The following UBAC2 variants were observed in gnomAD, a reference collection of about 807,000 sequenced individuals.
UBAC2 encodes the protein ubiquitin-associated domain-containing protein 2.
A neutral mutation model predicts 44.0 loss-of-function variants in UBAC2; 26 were observed. The observed-to-expected ratio is 0.59, with a 90% CI of 0.43 to 0.82. The LOEUF (loss-of-function observed/expected upper bound fraction) is 0.82. UBAC2 is among the 40% of genes least tolerant of loss of function. UBAC2 has a pLI of 0.00. For synonymous variants in UBAC2, 155 were observed against 154.3 expected, an observed-to-expected ratio of 1.00 and a Z score of -0.04; for missense variants, 329 against 419.4, an observed-to-expected ratio of 0.78 and a Z score of 1.88.
At chr13:99,221,379 A>G (rs763628733) in intron 1 of UBAC2, among the ~76,000 whole-genome samples, 8 of 152,122 alleles carry the variant, frequency 5.3e-5, no homozygotes, top group Non-Finnish European at 8.8e-5. Flanking sequence ...TATGTCTTTC[A>G]CTTGAAATCC....
intron 7 of UBAC2, among the ~76,000 whole-genome samples, chr13:99,359,232 T>G (rs2045231283): frequency 6.6e-6 from 1 of 152,154 alleles, no homozygotes; most frequent in African/African-American, 2.4e-5. Context: ...CTCAGGAGGA[T>G]CCACTGGATC....
chr13:99,336,786 T>G (rs1459702612), intron 6 of UBAC2, among the ~76,000 whole-genome samples: 1 of 152,236 alleles, frequency 6.6e-6, no homozygotes, highest in Non-Finnish European at 1.5e-5. Context: ...AACTCTTAAT[T>G]GTGATATACA....
chr13:99,300,602 C>T (rs903872500), intron 4 of UBAC2, among the ~76,000 whole-genome samples: 1 of 152,192 alleles, frequency 6.6e-6, no homozygotes, highest in Non-Finnish European at 1.5e-5. Context: ...CTTTCTGAAA[C>T]TTGAATTAAG....
chr13:99,364,760 A>C (rs1364759743), intron 7 of UBAC2, among the ~76,000 whole-genome samples: 1 of 152,216 alleles, frequency 6.6e-6, no homozygotes, highest in South Asian at 2.1e-4. Flanking sequence ...TGAGAGATTC[A>C]GCCATATTGT....
At chr13:99,288,945 T>G (rs2044054965) in intron 4 of UBAC2, among the ~76,000 whole-genome samples, 1 of 152,250 alleles carries the variant, frequency 6.6e-6, no homozygotes, top group African/African-American at 2.4e-5. Context: ...GAAAAGCTAG[T>G]GTCTCTTCCC....
At chr13:99,253,889 G>A (rs567945672) in intron 4 of UBAC2, among the ~76,000 whole-genome samples, 2 of 152,278 alleles carry the variant, frequency 1.3e-5, no homozygotes, top group South Asian at 4.1e-4. Context: ...GAGTGATAAA[G>A]GTAATTTAGC....
At chr13:99,326,151 CTG>C (rs1165954419) in intron 6 of UBAC2, among the ~76,000 whole-genome samples, 1 of 152,190 alleles carries the variant, frequency 6.6e-6, no homozygotes, top group Non-Finnish European at 1.5e-5. Context: ...TTTCTGCCAA[CTG>C]TGCACAGGGG....
chr13:99,298,664 T>C (rs906922085), intron 4 of UBAC2, among the ~76,000 whole-genome samples: 5 of 152,032 alleles, frequency 3.3e-5, no homozygotes, highest in African/African-American at 1.2e-4. Flanking sequence ...AGACAATAAA[T>C]ATCAGTTTTA....
At chr13:99,374,410 C>T (rs2045452016) in intron 8 of UBAC2, among the ~76,000 whole-genome samples, 1 of 152,098 alleles carries the variant, frequency 6.6e-6, no homozygotes, top group African/African-American at 2.4e-5. Context: ...TTTGTTGGAG[C>T]CCAAAACAAT....
At chr13:99,235,214 C>T (rs1054293861) in intron 1 of UBAC2, among the ~76,000 whole-genome samples, 1 of 152,082 alleles carries the variant, frequency 6.6e-6, no homozygotes, top group African/African-American at 2.4e-5. Flanking sequence ...ACCCAGGAAT[C>T]AATTAACCAA....
intron 4 of UBAC2, among the ~76,000 whole-genome samples, chr13:99,270,625 A>G (rs1406795883): frequency 6.6e-6 from 1 of 152,260 alleles, no homozygotes; most frequent in East Asian, 1.9e-4. Flanking sequence ...GTTTGTACTT[A>G]GAAACATAGT....
chr13:99,284,525 A>G (rs142336861), intron 4 of UBAC2, among the ~76,000 whole-genome samples: 2,946 of 152,330 alleles, frequency 0.019, 79 homozygotes, highest in Admixed American at 0.074. Flanking sequence ...TTTTCTCTCT[A>G]CACAGTATTT....
At chr13:99,240,893 T>C (rs2043291773) in intron 2 of UBAC2, among the ~76,000 whole-genome samples, 2 of 152,232 alleles carry the variant, frequency 1.3e-5, no homozygotes, top group Admixed American at 6.5e-5. Flanking sequence ...TTCTCATTTG[T>C]ATTCTTATTT....
Position 99,357,315 on chromosome 13 carries a change from A to C in UBAC2, c.808-10472A>C, listed in dbSNP as rs148809798. ...ACCCAACAGCACATTTCTCAGAATG[A>C]AGCCCTGTTGTTAAGCGACACGTGA... On this transcript the variant is annotated intron_variant, in intron 7 of 8. Coordinates refer to ENST00000403766, the MANE Select transcript of UBAC2 (RefSeq NM_001144072.2). Among the ~76,000 whole-genome samples the C allele has an allele frequency of 2.4e-4, 36 of 152,308 alleles. 1 individual carries two copies. Among genetic ancestry groups the C allele is most frequent in the African/African-American group, 8.7e-4 (36 of 41,548 alleles).
chr13:99,341,414 T>G (rs1276520114), intron 7 of UBAC2, among the ~76,000 whole-genome samples: 3 of 8,384 alleles, frequency 3.6e-4, no homozygotes, highest in Admixed American at 1.3e-3. Context: ...CCAGAGTTTA[T>G]ATCAGGGGGG....
At chr13:99,332,314 A>G in intron 6 of UBAC2, among the ~76,000 whole-genome samples, 1 of 152,294 alleles carries the variant, frequency 6.6e-6, no homozygotes, top group Middle Eastern at 3.4e-3. Flanking sequence ...AGTGTTTTGC[A>G]TGTTTTCTAC....
chr13:99,277,631 G>T (rs1458820325), intron 4 of UBAC2, among the ~76,000 whole-genome samples: 1 of 152,138 alleles, frequency 6.6e-6, no homozygotes, highest in Admixed American at 6.5e-5. Flanking sequence ...TCCATTGATA[G>T]TTACCTCTAC....
chr13:99,228,898 T>A (rs1831898274), intron 1 of UBAC2, among the ~76,000 whole-genome samples: 1 of 152,236 alleles, frequency 6.6e-6, no homozygotes, highest in Non-Finnish European at 1.5e-5. Context: ...AGTTGGGCTA[T>A]TTTTATATGC....
At chr13:99,315,711 A>G (rs1347119604) in intron 5 of UBAC2, among the ~76,000 whole-genome samples, 2 of 152,210 alleles carry the variant, frequency 1.3e-5, no homozygotes, top group Non-Finnish European at 2.9e-5. Flanking sequence ...TAATCTGAAC[A>G]GATAATAAGA....
Sources: allele counts gnomAD v4.1 joint callset (sites outside exome capture counted in the v4.1 genomes callset), GRCh38; gene constraint gnomAD v4.1.1; transcripts MANE v1.5; gene names NCBI Gene and HGNC (gene_info 2026-07-23, HGNC 2026-07-21).